Variants in PPP1R35 observed in about 807,000 individuals in gnomAD.
The protein encoded by PPP1R35 is protein phosphatase 1 regulatory subunit 35, also known as UPF0683 protein C7orf47.
PPP1R35 carries 23 observed loss-of-function variants against 22.2 expected under a neutral mutation model. The ratio of observed to expected loss-of-function variants is 1.04; its 90% CI spans 0.75 to 1.47. PPP1R35 has a LOEUF of 1.47. PPP1R35 is among the 40% of genes most tolerant of loss of function. The pLI, the probability that PPP1R35 is intolerant of heterozygous loss-of-function variation, is 0.00. For synonymous variants in PPP1R35, 198 were observed against 165.7 expected (o/e 1.19, Z -1.50); for missense variants, 409 against 349.6 (o/e 1.17, Z -1.36).
Position 100,436,042 on chromosome 7 carries a change from G to T in PPP1R35, c.257C>A (p.Pro86His). ...RRQVRFRLTP[P>H]SPVRSEPQPA... ...CTGCGGCTCGGACCGCACCGGGGAGGGCGGCGTCAGGCGGAAGCGGACCTG... is the reference window on the plus strand; with the variant it reads ...CTGCGGCTCGGACCGCACCGGGGAGTGCGGCGTCAGGCGGAAGCGGACCTG... The change falls in exon 2 of 4, where the codon CCC (proline) becomes CAC (histidine). Residue 86 changes from proline to histidine, a missense_variant. Coordinates refer to ENST00000292330, the MANE Select transcript of PPP1R35 (RefSeq NM_145030.4). 6.5e-7 allele frequency: 1 copy of T among 1,537,122 alleles called. No homozygotes were observed.
rs747081162 is a variant in PPP1R35, at chr7:100,436,062, G to C, written c.237C>G (p.Val79=). 4 of 1,534,164 alleles carry C rather than the reference G, an allele frequency of 2.6e-6. No individual in the cohort carries two copies. The highest frequency in any genetic ancestry group is 3.5e-6 in the Non-Finnish European group (4 of 1,146,458). Reference sequence around the variant, plus strand: ...GGGAGGGCGGCGTCAGGCGGAAGCGGACCTGGGAGCAGAGGGCAGGGCAGT... The same window carrying C: ...GGGAGGGCGGCGTCAGGCGGAAGCGCACCTGGGAGCAGAGGGCAGGGCAGT... ...RRGAARQRRQ[V]RFRLTPPSPV... The change falls in exon 2 of 4, where the codon GTC becomes GTG. Residue 79 remains valine (V), a splice_region_variant and synonymous_variant. Coordinates refer to ENST00000292330, the MANE Select transcript of PPP1R35 (RefSeq NM_145030.4).
In PPP1R35 at chr7:100,436,432, G is replaced by A; in HGVS notation, c.-58C>T. 1 of 1,301,604 alleles carries A rather than the reference G, an allele frequency of 7.7e-7. No homozygotes were observed. The highest frequency in any genetic ancestry group is 2.7e-5 in the Admixed American group (1 of 37,198). The allele number at this position is 1,301,604 out of a possible 1,614,324, so 80.6% of individuals were successfully genotyped here. ...GGGGTCGCAGACGCTCCAACGGTCAGGGGACACAGCCTGGCTGCCGCCTCC... is the reference window on the plus strand; with the variant it reads ...GGGGTCGCAGACGCTCCAACGGTCAAGGGACACAGCCTGGCTGCCGCCTCC... On this transcript the variant is annotated 5_prime_UTR_variant, in exon 1 of 4. Coordinates refer to ENST00000292330, the MANE Select transcript of PPP1R35 (RefSeq NM_145030.4).
Position 100,435,495 on chromosome 7 carries a change from A to T in PPP1R35, c.627T>A (p.Cys209Ter), listed in dbSNP as rs776115430. The T allele has an allele frequency of 2.6e-5, 42 of 1,613,916 alleles. No homozygotes were observed. The highest frequency in any genetic ancestry group is 1.7e-5 in the Non-Finnish European group (20 of 1,180,004). Residue 209 changes from cysteine to a stop codon, truncating the protein, a stop_gained, in exon 4 of 4, where the codon TGT (cysteine) becomes TGA (stop). Coordinates refer to ENST00000292330, the MANE Select transcript of PPP1R35 (RefSeq NM_145030.4). LOFTEE classifies it high-confidence loss of function. Reference protein sequence around the residue: ...PGPGPDMTILCDPETLFYESP... With the variant: ...PGPGPDMTIL The stretch of plus-strand genomic sequence containing the variant: ...ATTCATAAAATAGCGTTTCTGGGTC[A>T]CACAAGATGGTCATGTCTGGCCCAG...
chr7:100,435,294 ATT>A lies in PPP1R35; in HGVS notation c.*64_*65del. The A allele has an allele frequency of 1.2e-5, 18 of 1,510,060 alleles. No homozygotes were observed. Among genetic ancestry groups the A allele is most frequent in the Non-Finnish European group, 1.6e-5 (18 of 1,128,672 alleles). The allele number at this position is 1,510,060 out of a possible 1,614,324, so 93.5% of individuals were successfully genotyped here. A position where few individuals can be genotyped will look rare whatever the true frequency, so the allele number is the denominator to read the frequency against. On this transcript the variant is annotated 3_prime_UTR_variant, in exon 4 of 4. Coordinates refer to ENST00000292330, the MANE Select transcript of PPP1R35 (RefSeq NM_145030.4). ...AAGAAGAGTCCCATTTATTAGCAAA[ATT>A]ACTTTATTCTAACAAATAGTTTAAC...
chr7:100,436,441 G>A lies in PPP1R35; in HGVS notation c.-67C>T, dbSNP rs865942505. 23 of 1,193,118 alleles carry A rather than the reference G, an allele frequency of 1.9e-5. No homozygotes were observed. The highest frequency in any genetic ancestry group is 4.1e-4 in the Middle Eastern group (2 of 4,858). 73.9% of individuals were successfully genotyped at this position (1,193,118 alleles called of 1,614,324 possible). ...GACGCTCCAACGGTCAGGGGACACA[G>A]CCTGGCTGCCGCCTCCTTTCCCCCG... On this transcript the variant is annotated 5_prime_UTR_variant, in exon 1 of 4. Transcript: ENST00000292330.
Position 100,436,054 on chromosome 7 carries a change from C to G in PPP1R35, c.245G>C (p.Arg82Pro), listed in dbSNP as rs1293320318. Residue 82 changes from arginine (R) to proline (P), a missense_variant, in exon 2 of 4, where the codon CGC (arginine) becomes CCC (proline). Arg to Pro is a moderately radical substitution (Grantham distance 103). Coordinates refer to ENST00000292330, the MANE Select transcript of PPP1R35 (RefSeq NM_145030.4). ...CCGCACCGGGGAGGGCGGCGTCAGG[C>G]GGAAGCGGACCTGGGAGCAGAGGGC... ...AARQRRQVRF[R>P]LTPPSPVRSE... 26 of 1,535,192 alleles carry G rather than the reference C, an allele frequency of 1.7e-5. No individual in the cohort carries two copies. Among genetic ancestry groups the G allele is most frequent in the Non-Finnish European group, 2.1e-5 (24 of 1,146,962 alleles).
At chr7:100,435,802 G>A (rs1798863269) in intron 2 of PPP1R35, 35 bp from the exon 3 acceptor site, 7 of 1,583,060 alleles carry the variant, frequency 4.4e-6, no homozygotes, top group African/African-American at 1.3e-5. Flanking sequence ...TGAGTGGCGC[G>A]CCTCACCCCG....
At position 100,435,746 on chromosome 7, in the gene PPP1R35, T is replaced by C. The variant is rs752988136; in HGVS notation, c.473A>G (p.Lys158Arg). 6 of 1,601,058 alleles carry C rather than the reference T, an allele frequency of 3.7e-6. No individual in the cohort carries two copies. In the Admixed American group the frequency reaches 5.1e-5, roughly 14 times the overall value. The change falls in exon 3 of 4, where the codon AAG (lysine) becomes AGG (arginine). Residue 158 changes from lysine (K) to arginine (R), a missense_variant. Physicochemically the swap from Lys to Arg is conservative, Grantham distance 26 (BLOSUM62 2). Coordinates refer to ENST00000292330, the MANE Select transcript of PPP1R35 (RefSeq NM_145030.4). Reference sequence around the variant, plus strand: ...GCTCACCAGGTCCCGGAAGAGCCGCTTGGAGCGCGGCACGTTCAGCCCTGA... The same window carrying C: ...GCTCACCAGGTCCCGGAAGAGCCGCCTGGAGCGCGGCACGTTCAGCCCTGA... ...VSEGLNVPRS[K>R]RLFRDLVSLQ...
In PPP1R35 at chr7:100,435,786, C is replaced by G; in HGVS notation, c.452-19G>C. The G allele has an allele frequency of 6.3e-7, 1 of 1,590,134 alleles. No individual in the cohort carries two copies. The highest frequency in any genetic ancestry group is 8.5e-7 in the Non-Finnish European group (1 of 1,173,628). Reference sequence around the variant, plus strand: ...TTCAGCCCTGAGAGCGCAGCGGGGACGGAGGTGAGTGGCGCGCCTCACCCC... The same window carrying G: ...TTCAGCCCTGAGAGCGCAGCGGGGAGGGAGGTGAGTGGCGCGCCTCACCCC... On this transcript the variant is annotated intron_variant, in intron 2 of 3. Coordinates refer to ENST00000292330, the MANE Select transcript of PPP1R35 (RefSeq NM_145030.4).
rs1026312756 is a variant in PPP1R35 at position 100,435,623 on chromosome 7, C to A, written c.588+8G>T. On this transcript the variant is annotated splice_region_variant and intron_variant, in intron 3 of 3. Transcript: ENST00000292330. ...CATGGAGGAAGCCCCACGCCCAGAC[C>A]CCATCACCTTTGGGTGCGGGGCTCG... is the stretch of plus-strand genomic sequence containing the variant. 2 of 1,613,346 alleles carry A rather than the reference C, an allele frequency of 1.2e-6. No individual in the cohort carries two copies. Among genetic ancestry groups the A allele is most frequent in the Non-Finnish European group, 1.7e-6 (2 of 1,179,902 alleles).
Position 100,436,075 on chromosome 7 carries a change from A to T in PPP1R35, c.235-11T>A. ...CAGGCGGAAGCGGACCTGGGAGCAG[A>T]GGGCAGGGCAGTGACCAGGTGGGCG... On this transcript the variant is annotated splice_polypyrimidine_tract_variant and intron_variant, in intron 1 of 3. Coordinates refer to ENST00000292330, the MANE Select transcript of PPP1R35 (RefSeq NM_145030.4). 1.3e-6 allele frequency: 2 copies of T among 1,526,996 alleles called. No individual in the cohort carries two copies. The highest frequency in any genetic ancestry group is 2.0e-5 in the Admixed American group (1 of 50,468). 94.6% of individuals were successfully genotyped at this position (1,526,996 alleles called of 1,614,324 possible).
At position 100,436,132 on chromosome 7, in the gene PPP1R35, C is replaced by T; in HGVS notation, c.234+9G>A. On this transcript the variant is annotated intron_variant, in intron 1 of 3. Transcript: ENST00000292330. ...CGTCGCGGGCCGGGGGCCAGCCTCC[C>T]CCGCTCACCTGCCGCCGCTGCCGAG... is the stretch of plus-strand genomic sequence containing the variant. 1 of 1,309,700 alleles carries T rather than the reference C, an allele frequency of 7.6e-7. No homozygotes were observed. Among genetic ancestry groups the T allele is most frequent in the Non-Finnish European group, 9.7e-7 (1 of 1,034,768 alleles). The allele number at this position is 1,309,700 out of a possible 1,614,324, so 81.1% of individuals were successfully genotyped here.
In PPP1R35 at chr7:100,436,417, A is replaced by G. The variant is rs2131015846; in HGVS notation, c.-43T>C. ...GGGTGCGGGGATGCGGGGGTCGCAG[A>G]CGCTCCAACGGTCAGGGGACACAGC... On this transcript the variant is annotated 5_prime_UTR_variant, in exon 1 of 4. Transcript: ENST00000292330. 7.1e-7 allele frequency: 1 copy of G among 1,409,698 alleles called. No homozygotes were observed. Among genetic ancestry groups the G allele is most frequent in the Non-Finnish European group, 9.5e-7 (1 of 1,052,608 alleles). The allele number at this position is 1,409,698 out of a possible 1,614,324, so 87.3% of individuals were successfully genotyped here.
Position 100,435,526 on chromosome 7 carries a change from G to A in PPP1R35, c.596C>T (p.Pro199Leu). 6.2e-7 allele frequency: 1 copy of A among 1,614,136 alleles called. No homozygotes were observed. The highest frequency in any genetic ancestry group is 1.1e-5 in the South Asian group (1 of 91,088). ...QARAPHPKEPPGPGPDMTILC... is the reference protein window; with the variant it reads ...QARAPHPKEPLGPGPDMTILC... ...GATGGTCATGTCTGGCCCAGGCCCA[G>A]GTGGCTCCTGTTGGGAGGTTGGGCC... is the stretch of plus-strand genomic sequence containing the variant. The change falls in exon 4 of 4, where the codon CCT becomes CTT. Residue 199 changes from proline (P) to leucine (L), a missense_variant. By Grantham distance (98) the Pro-to-Leu change is moderately conservative. Coordinates refer to ENST00000292330, the MANE Select transcript of PPP1R35 (RefSeq NM_145030.4).
At chr7:100,436,094 G>A in intron 1 of PPP1R35, 30 bp from the exon 2 acceptor site, 2 of 1,481,140 alleles carry the variant, frequency 1.4e-6, no homozygotes, top group Non-Finnish European at 1.8e-6. Flanking sequence ...CAGTGACCAG[G>A]TGGGCGCGAG....
chr7:100,436,239 G>A lies in PPP1R35; in HGVS notation c.136C>T (p.Leu46=), dbSNP rs1347506698. Residue 46 remains leucine, a synonymous_variant, in exon 1 of 4, where the codon CTG becomes TTG. Transcript: ENST00000292330. ...TGAGGGCTGTCGGGCCGCGGGCTCAGGCTCAAGTCCAGGCCGGGCTCGGGC... is the reference window on the plus strand; with the variant it reads ...TGAGGGCTGTCGGGCCGCGGGCTCAAGCTCAAGTCCAGGCCGGGCTCGGGC... ...PVPEPGLDLS[L]SPRPDSPQPR... 11 of 1,295,840 alleles carry A rather than the reference G, an allele frequency of 8.5e-6. No homozygotes were observed. The highest frequency in any genetic ancestry group is 9.8e-6 in the Non-Finnish European group (10 of 1,018,518). The allele number at this position is 1,295,840 out of a possible 1,614,324, so 80.3% of individuals were successfully genotyped here.
Position 100,435,724 on chromosome 7 carries a change from C to T in PPP1R35, c.495G>A (p.Val165=), listed in dbSNP as rs372048795. Residue 165 remains valine (V), a synonymous_variant, in exon 3 of 4, where the codon GTG becomes GTA. Coordinates refer to ENST00000292330, the MANE Select transcript of PPP1R35 (RefSeq NM_145030.4). ...PRSKRLFRDL[V]SLQVPEEQVL... is the part of the protein sequence containing the mutation. ...CCTGTTCCTCCGGCACCTGCAGGCT[C>T]ACCAGGTCCCGGAAGAGCCGCTTGG... 1.2e-5 allele frequency: 19 copies of T among 1,602,990 alleles called. No homozygotes were observed. The highest frequency in any genetic ancestry group is 1.1e-4 in the South Asian group (10 of 89,944).
At position 100,436,430 on chromosome 7, in the gene PPP1R35, C is replaced by A; in HGVS notation, c.-56G>T. On this transcript the variant is annotated 5_prime_UTR_variant, in exon 1 of 4. Coordinates refer to ENST00000292330, the MANE Select transcript of PPP1R35 (RefSeq NM_145030.4). ...CGGGGGTCGCAGACGCTCCAACGGT[C>A]AGGGGACACAGCCTGGCTGCCGCCT... 3 of 1,297,808 alleles carry A rather than the reference C, an allele frequency of 2.3e-6. No homozygotes were observed. Among genetic ancestry groups the A allele is most frequent in the Non-Finnish European group, 3.1e-6 (3 of 969,368 alleles). 80.4% of individuals were successfully genotyped at this position (1,297,808 alleles called of 1,614,324 possible).
rs1305045018 is a variant in PPP1R35, at chr7:100,436,023, C to G, written c.276G>C (p.Glu92Asp). Residue 92 changes from glutamate to aspartate, a missense_variant, in exon 2 of 4, where the codon GAG (glutamate) becomes GAC (aspartate). Transcript: ENST00000292330. ...RLTPPSPVRS[E>D]PQPAVPQELE... ...GCTCCTGCGGCACCGCAGGCTGCGG[C>G]TCGGACCGCACCGGGGAGGGCGGCG... The G allele has an allele frequency of 3.9e-6, 6 of 1,544,718 alleles. No individual in the cohort carries two copies. The Admixed American group carries it at 9.7e-5, about 25-fold the overall frequency.
Sources: allele counts gnomAD v4.1 joint callset, GRCh38; gene constraint gnomAD v4.1.1; transcripts MANE v1.5; gene names NCBI Gene and HGNC (gene_info 2026-07-23, HGNC 2026-07-21).